Variants in SPATA6 observed in about 807,000 individuals in gnomAD.
The protein encoded by SPATA6 is spermatogenesis-associated protein 6.
Under a neutral mutation model 65.3 loss-of-function variants are expected in SPATA6, and 56 were observed. The ratio of observed to expected loss-of-function variants is 0.86; its 90% CI spans 0.69 to 1.07. The LOEUF (loss-of-function observed/expected upper bound fraction) is 1.07, where lower values mean the gene tolerates loss of function less well. Among genes scored for constraint, SPATA6 ranks in the 50% least tolerant of loss-of-function variants. SPATA6 has a pLI of 0.00. For missense variants in SPATA6, 590 were observed against 594.8 expected (o/e 0.99, Z 0.08); for synonymous variants, 199 against 213.2 (o/e 0.93, Z 0.58).
At chr1:48,325,707 T>C (rs72891569) in intron 11 of SPATA6, 9,053 of 553,880 alleles carry the variant, frequency 0.016, 236 homozygotes, top group African/African-American at 0.071. Flanking sequence ...GTCTTCTCAA[T>C]TCCTTTCAGA....
At chr1:48,462,284 T>C (rs955944270) in intron 1 of SPATA6, among the ~76,000 whole-genome samples, 1 of 152,118 alleles carries the variant, frequency 6.6e-6, no homozygotes. Context: ...GCATGGCACA[T>C]GTATACATAT....
intron 11 of SPATA6, among the ~76,000 whole-genome samples, chr1:48,350,075 T>C (rs971656325): frequency 1.3e-5 from 2 of 151,850 alleles, no homozygotes; most frequent in African/African-American, 4.8e-5. Flanking sequence ...CCCACCAGCA[T>C]GAAATGGGAG....
intron 12 of SPATA6, among the ~76,000 whole-genome samples, chr1:48,302,259 C>T (rs943369978): frequency 6.6e-6 from 1 of 152,128 alleles, no homozygotes; most frequent in Non-Finnish European, 1.5e-5. Context: ...AGTTTTCTTA[C>T]ATGGATATAT....
At chr1:48,443,073 A>C (rs1436395823) in intron 3 of SPATA6, among the ~76,000 whole-genome samples, 1 of 152,244 alleles carries the variant, frequency 6.6e-6, no homozygotes, top group African/African-American at 2.4e-5. Context: ...ATAAGGAAGC[A>C]GACTTAGGAA....
intron 10 of SPATA6, among the ~76,000 whole-genome samples, chr1:48,359,207 A>G (rs1401634799): frequency 6.6e-6 from 1 of 152,186 alleles, no homozygotes; most frequent in Non-Finnish European, 1.5e-5. Context: ...TCTACCAAAA[A>G]TATATAGATA....
At chr1:48,464,167 C>T (rs771209537) in intron 1 of SPATA6, among the ~76,000 whole-genome samples, 58 of 151,986 alleles carry the variant, frequency 3.8e-4, no homozygotes, top group Non-Finnish European at 5.0e-4. Flanking sequence ...CCATTATCAG[C>T]GATTTCATAG....
chr1:48,411,971 A>C (rs1652282385), intron 4 of SPATA6, among the ~76,000 whole-genome samples: 2 of 151,630 alleles, frequency 1.3e-5, no homozygotes, highest in South Asian at 4.2e-4. Context: ...GGTTCAAGTG[A>C]TTCTCCTCCT....
chr1:48,314,400 C>T lies in SPATA6; in HGVS notation c.1195-8522G>A, dbSNP rs1014141586. 6.1e-4 allele frequency among the ~76,000 whole-genome samples: 93 copies of T among 152,178 alleles called. 1 individual carries two copies. Among genetic ancestry groups the T allele is most frequent in the African/African-American group, 2.2e-3 (91 of 41,498 alleles). On this transcript the variant is annotated intron_variant, in intron 11 of 12. Transcript: ENST00000371847. ...GGATTAAGAAACTCACTCAAAACCGCTCAACTACATGGAAACTGAACAACC... is the reference window on the plus strand; with the variant it reads ...GGATTAAGAAACTCACTCAAAACCGTTCAACTACATGGAAACTGAACAACC...
At chr1:48,313,301 C>T (rs1202209160) in intron 11 of SPATA6, among the ~76,000 whole-genome samples, 2 of 152,146 alleles carry the variant, frequency 1.3e-5, no homozygotes, top group South Asian at 2.1e-4. Flanking sequence ...AGAGAAAGGT[C>T]GGGTTACCCA....
At chr1:48,350,215 A>C (rs975739454) in intron 11 of SPATA6, among the ~76,000 whole-genome samples, 1 of 150,974 alleles carries the variant, frequency 6.6e-6, no homozygotes, top group Admixed American at 6.6e-5. Flanking sequence ...CTTTTGGTGA[A>C]GTGCCTGTTC....
intron 3 of SPATA6, among the ~76,000 whole-genome samples, chr1:48,441,166 G>C (rs1655429702): frequency 6.6e-6 from 1 of 152,212 alleles, no homozygotes; most frequent in Non-Finnish European, 1.5e-5. Flanking sequence ...CCCCCAACCA[G>C]ATGATCCAAC....
At chr1:48,437,774 T>C (rs958193213) in intron 3 of SPATA6, among the ~76,000 whole-genome samples, 3 of 150,160 alleles carry the variant, frequency 2.0e-5, no homozygotes, top group South Asian at 2.1e-4. Flanking sequence ...TTGAAATATA[T>C]ACAGAAATTG....
intron 7 of SPATA6, among the ~76,000 whole-genome samples, chr1:48,398,865 A>G (rs900504973): frequency 2.0e-5 from 3 of 151,924 alleles, no homozygotes; most frequent in Admixed American, 6.6e-5. Flanking sequence ...AGGCCTTCCC[A>G]TAACCATCAA....
At chr1:48,268,962 T>C in the SPATA6 span, among the ~76,000 whole-genome samples, 3 of 152,202 alleles carry the variant, frequency 2.0e-5, no homozygotes, top group East Asian at 5.8e-4. Flanking sequence ...CCTAGGTGGG[T>C]ATTATTCCCA....
At chr1:48,471,359 G>A (rs1658230256) in intron 1 of SPATA6, among the ~76,000 whole-genome samples, 1 of 152,222 alleles carries the variant, frequency 6.6e-6, no homozygotes, top group South Asian at 2.1e-4. Context: ...GGGGCCTGAA[G>A]TGATTTCTGA....
rs896413030 is a variant in SPATA6, at chr1:48,367,238, A to G, written c.910-7468T>C. Among the ~76,000 whole-genome samples the G allele has an allele frequency of 4.9e-4, 75 of 152,150 alleles. 1 individual carries two copies. The highest frequency in any genetic ancestry group is 2.5e-3 in the Admixed American group (38 of 15,274). On this transcript the variant is annotated intron_variant, in intron 9 of 12. Transcript: ENST00000371847. ...CAACTATGTGGTCACTTTCGGAATA[A>G]GTGTGGTGTGGTGCTTAAAAGAATG...
intron 9 of SPATA6, among the ~76,000 whole-genome samples, chr1:48,376,053 T>C (rs1369832076): frequency 6.6e-6 from 1 of 152,178 alleles, no homozygotes; most frequent in Non-Finnish European, 1.5e-5. Flanking sequence ...CCATTTGCCT[T>C]TCAGATGCCT....
intron 11 of SPATA6, among the ~76,000 whole-genome samples, chr1:48,335,738 C>T (rs1458884639): frequency 6.6e-6 from 1 of 152,048 alleles, no homozygotes; most frequent in Non-Finnish European, 1.5e-5. Flanking sequence ...GATCTCATGA[C>T]AGAAAATGTC....
At chr1:48,284,475 GGGA>G in the SPATA6 span, among the ~76,000 whole-genome samples, 1 of 152,124 alleles carries the variant, frequency 6.6e-6, no homozygotes, top group Non-Finnish European at 1.5e-5. Flanking sequence ...TCCCTTGCTG[GGGA>G]GGAGTTGTGA....
Sources: gnomAD v4.1 joint callset for allele counts (sites outside exome capture counted in the v4.1 genomes callset) on GRCh38, gnomAD v4.1.1 for gene constraint, MANE v1.5 for transcripts, NCBI Gene and HGNC (gene_info 2026-07-23, HGNC 2026-07-21) for gene names.